Variants in RBFOX1 observed in about 807,000 individuals in gnomAD.
RBFOX1 encodes RNA binding fox-1 homolog 1.
Under a neutral mutation model 57.7 loss-of-function variants are expected in RBFOX1, and 8 were observed. That is an observed-to-expected ratio of 0.14 (90% CI 0.08 to 0.25). The LOEUF (loss-of-function observed/expected upper bound fraction) is 0.25. Among genes scored for constraint, RBFOX1 ranks in the 10% least tolerant of loss-of-function variants. The pLI is 1.00. For synonymous variants in RBFOX1, 326 were observed against 222.4 expected (o/e 1.47, Z -4.15); for missense variants, 611 against 548.5 (o/e 1.11, Z -1.14).
At chr16:5,716,513 C>G (rs1274742226) in intron 3 of RBFOX1, among the ~76,000 whole-genome samples, 1 of 152,236 alleles carries the variant, frequency 6.6e-6, no homozygotes, top group Non-Finnish European at 1.5e-5. Context: ...TAGATACCAT[C>G]TCACACCAGT....
In RBFOX1 at chr16:6,097,069, C is replaced by T. The variant is rs1160483116; in HGVS notation, c.-127+77077C>T. ...AATCATGGGGGTGGTTTCCCCCATA[C>T]TGTTGTCATGGTGGTGAGTAAGTCT... On this transcript the variant is annotated intron_variant, in intron 1 of 15. Transcript: ENST00000550418. This position sits in a 1 kb window ranked among gnomAD's most constrained non-coding sequence, Gnocchi z 5.0. 6.6e-6 allele frequency among the ~76,000 whole-genome samples: 1 copy of T among 152,132 alleles called. No individual in the cohort carries two copies. The highest frequency in any genetic ancestry group is 2.4e-5 in the African/African-American group (1 of 41,428).
At chr16:6,762,000 C>G (rs555335086) in intron 3 of RBFOX1, among the ~76,000 whole-genome samples, 10 of 152,246 alleles carry the variant, frequency 6.6e-5, no homozygotes, top group East Asian at 1.9e-4. Flanking sequence ...GCCGCTCAAG[C>G]TCGACAACTC....
At chr16:7,202,310 A>AAT (rs1417162069) in intron 4 of RBFOX1, among the ~76,000 whole-genome samples, 2 of 151,954 alleles carry the variant, frequency 1.3e-5, no homozygotes, top group Admixed American at 6.6e-5. Context: ...AAAAAAAAAA[A>AAT]AAAAGAAGCA....
chr16:6,212,979 G>C (rs142770903), intron 1 of RBFOX1, among the ~76,000 whole-genome samples: 197 of 152,236 alleles, frequency 1.3e-3, no homozygotes, highest in African/African-American at 4.5e-3. Flanking sequence ...CTTAATAAGT[G>C]AAGTATGTTA....
chr16:7,373,369 G>C (rs867665530), intron 4 of RBFOX1, among the ~76,000 whole-genome samples: 13 of 152,154 alleles, frequency 8.5e-5, no homozygotes, highest in Non-Finnish European at 1.3e-4. Context: ...CAAAGCTACA[G>C]GTACTATTAA....
intron 3 of RBFOX1, among the ~76,000 whole-genome samples, chr16:6,856,181 C>T (rs1263395342): frequency 6.6e-6 from 1 of 151,670 alleles, no homozygotes; most frequent in Non-Finnish European, 1.5e-5. Context: ...TTCCCTTCTT[C>T]AAATGTGTAT....
At chr16:5,694,679 C>G (rs1030123063) in intron 3 of RBFOX1, among the ~76,000 whole-genome samples, 2 of 151,962 alleles carry the variant, frequency 1.3e-5, no homozygotes, top group Non-Finnish European at 2.9e-5. Context: ...AATGATACCT[C>G]TTAGGGAGAC....
intron 3 of RBFOX1, among the ~76,000 whole-genome samples, chr16:5,795,188 G>A (rs543727042): frequency 6.6e-6 from 1 of 152,136 alleles, no homozygotes; most frequent in Non-Finnish European, 1.5e-5. Flanking sequence ...TAAATGTCAA[G>A]AAATGATTCT....
intron 4 of RBFOX1, among the ~76,000 whole-genome samples, chr16:5,945,928 G>C (rs563742995): frequency 2.0e-5 from 3 of 152,312 alleles, no homozygotes; most frequent in African/African-American, 7.2e-5. Context: ...GGGCGAGAGA[G>C]GGATTGGTGT....
intron 1 of RBFOX1, among the ~76,000 whole-genome samples, chr16:6,190,510 A>G (rs979157254): frequency 2.0e-5 from 3 of 152,222 alleles, no homozygotes; most frequent in African/African-American, 7.2e-5. Flanking sequence ...TTAGGATAAT[A>G]AAAGGACTTA....
intron 4 of RBFOX1, among the ~76,000 whole-genome samples, chr16:7,222,839 C>T (rs943959172): frequency 6.6e-6 from 1 of 152,186 alleles, no homozygotes; most frequent in Non-Finnish European, 1.5e-5. Context: ...CTGCAGTGTT[C>T]CATTTACAGG....
At chr16:6,209,953 CT>C (rs1317161886) in intron 1 of RBFOX1, among the ~76,000 whole-genome samples, 7 of 152,034 alleles carry the variant, frequency 4.6e-5, no homozygotes, top group Non-Finnish European at 8.8e-5. Context: ...TGTCTCTAGA[CT>C]TTTTGTTTGT....
intron 2 of RBFOX1, among the ~76,000 whole-genome samples, chr16:5,595,608 C>T (rs1406287831): frequency 2.6e-5 from 4 of 152,150 alleles, no homozygotes; most frequent in African/African-American, 9.7e-5. Context: ...CAGGCCAGCT[C>T]AAATGATATG....
At chr16:7,691,516 G>T (rs1282812624) in intron 14 of RBFOX1, among the ~76,000 whole-genome samples, 1 of 150,190 alleles carries the variant, frequency 6.7e-6, no homozygotes, top group Non-Finnish European at 1.5e-5. Context: ...GGTAGTTTAA[G>T]GTTAAGTGCA....
intron 2 of RBFOX1, among the ~76,000 whole-genome samples, chr16:6,614,274 G>A (rs1467078091): frequency 1.3e-5 from 2 of 152,096 alleles, no homozygotes; most frequent in African/African-American, 4.8e-5. Flanking sequence ...ACTAAAGATA[G>A]AAAGAATCCC....
At chr16:6,967,307 G>A (rs1243036283) in intron 3 of RBFOX1, among the ~76,000 whole-genome samples, 5 of 151,994 alleles carry the variant, frequency 3.3e-5, no homozygotes, top group African/African-American at 7.3e-5. Context: ...ATTTATGTAT[G>A]GATCTGTCTA....
chr16:6,235,076 A>G (rs550101965), intron 1 of RBFOX1, among the ~76,000 whole-genome samples: 2 of 152,260 alleles, frequency 1.3e-5, no homozygotes, highest in African/African-American at 2.4e-5. Flanking sequence ...AGTTTGCAGG[A>G]TATGGAATAT....
intron 3 of RBFOX1, among the ~76,000 whole-genome samples, chr16:5,624,615 G>C (rs567203766): frequency 7.2e-5 from 11 of 152,376 alleles, no homozygotes; most frequent in Non-Finnish European, 1.3e-4. Flanking sequence ...GAGGCACAAG[G>C]ACAGTGTCTG....
At chr16:5,918,497 G>A (rs1401783256) in intron 4 of RBFOX1, among the ~76,000 whole-genome samples, 1 of 152,214 alleles carries the variant, frequency 6.6e-6, no homozygotes, top group Non-Finnish European at 1.5e-5. Context: ...CGTATCGTAA[G>A]TCACCAGCAC....
Sources: gnomAD v4.1 joint callset for allele counts (sites outside exome capture counted in the v4.1 genomes callset) on GRCh38, gnomAD v4.1.1 for gene constraint, Gnocchi (gnomAD v3.1) non-coding constraint, MANE v1.5 for transcripts, NCBI Gene and HGNC (gene_info 2026-07-23, HGNC 2026-07-21) for gene names.